NEDD4L: variants seen among roughly 807,000 people sequenced by gnomAD.
NEDD4L encodes NEDD4 like E3 ubiquitin protein ligase.
Under a neutral mutation model 148.9 loss-of-function variants are expected in NEDD4L, and 54 were observed. That is an observed-to-expected ratio of 0.36 (90% confidence interval 0.29 to 0.45). The LOEUF (loss-of-function observed/expected upper bound fraction) is 0.45. NEDD4L is among the 20% of genes least tolerant of loss of function. The pLI, the probability that NEDD4L is intolerant of heterozygous loss-of-function variation, is 1.00. For synonymous variants in NEDD4L, 433 were observed against 440.7 expected (o/e 0.98, Z 0.22); for missense variants, 856 against 1,233.8 (o/e 0.69, Z 4.59).
chr18:58,329,157 C>G, intron 10 of NEDD4L, 30 bp downstream of exon 10: 12 of 1,605,508 alleles, frequency 7.5e-6, no homozygotes, highest in Non-Finnish European at 1.0e-5. Context: ...GTGCAAAGCC[C>G]GGCAGCTCCT....
At chr18:58,161,020 C>CT (rs150307263) in intron 1 of NEDD4L, among the ~76,000 whole-genome samples, 8,237 of 149,646 alleles carry the variant, frequency 0.055, 344 homozygotes, top group East Asian at 0.22. Flanking sequence ...TTCTTTCTTT[C>CT]TTTTTTTTTT....
intron 1 of NEDD4L, among the ~76,000 whole-genome samples, chr18:58,071,436 G>A (rs986073177): frequency 1.3e-5 from 2 of 152,336 alleles, no homozygotes; most frequent in South Asian, 4.1e-4. Context: ...AGAATTCACT[G>A]GAGGGGCTTA....
chr18:58,217,694 T>G (rs774232796), intron 2 of NEDD4L, among the ~76,000 whole-genome samples: 1 of 152,188 alleles, frequency 6.6e-6, no homozygotes, highest in Admixed American at 6.5e-5. Flanking sequence ...GATTTAGATA[T>G]TGGAAAAGAT....
At chr18:58,257,271 T>C (rs2048718548) in intron 5 of NEDD4L, among the ~76,000 whole-genome samples, 1 of 152,068 alleles carries the variant, frequency 6.6e-6, no homozygotes, top group Admixed American at 6.5e-5. Context: ...TAAAGTTTAG[T>C]GGAATTTGAT....
chr18:58,075,968 C>T (rs917483206), intron 1 of NEDD4L, among the ~76,000 whole-genome samples: 1 of 152,152 alleles, frequency 6.6e-6, no homozygotes, highest in South Asian at 2.1e-4. Flanking sequence ...ACTGATTTTC[C>T]CCCGGTTTAG....
intron 1 of NEDD4L, among the ~76,000 whole-genome samples, chr18:58,109,951 A>G (rs1194002225): frequency 6.6e-6 from 1 of 152,178 alleles, no homozygotes; most frequent in Non-Finnish European, 1.5e-5. Flanking sequence ...TTGGAGGCTG[A>G]TTTGGAAAGG....
intron 5 of NEDD4L, among the ~76,000 whole-genome samples, chr18:58,258,575 G>A (rs2048911398): frequency 6.6e-6 from 1 of 152,100 alleles, no homozygotes; most frequent in Non-Finnish European, 1.5e-5. Flanking sequence ...AACTTGCAAG[G>A]CCTATGTAGT....
intron 1 of NEDD4L, among the ~76,000 whole-genome samples, chr18:58,083,095 G>A (rs988177509): frequency 6.6e-6 from 1 of 152,084 alleles, no homozygotes; most frequent in South Asian, 2.1e-4. Flanking sequence ...TTTGTTAACC[G>A]GTGGCTTAAT....
At chr18:58,356,266 C>T in intron 18 of NEDD4L, among the ~76,000 whole-genome samples, 1 of 151,092 alleles carries the variant, frequency 6.6e-6, no homozygotes, top group East Asian at 1.9e-4. Context: ...CCACCCTTTA[C>T]TTTTCAAATA....
chr18:58,226,667 G>T (rs1010442745), intron 2 of NEDD4L, among the ~76,000 whole-genome samples: 1 of 152,218 alleles, frequency 6.6e-6, no homozygotes, highest in African/African-American at 2.4e-5. Flanking sequence ...ACCTACTGTG[G>T]TCTTAAGTCT....
intron 1 of NEDD4L, among the ~76,000 whole-genome samples, chr18:58,125,678 T>G (rs2030950232): frequency 6.6e-6 from 1 of 152,202 alleles, no homozygotes; most frequent in South Asian, 2.1e-4. Context: ...GCCAGCCACC[T>G]ATGTACGGTA....
At chr18:58,335,044 T>C (rs2041539676) in intron 12 of NEDD4L, among the ~76,000 whole-genome samples, 1 of 152,210 alleles carries the variant, frequency 6.6e-6, no homozygotes, top group Non-Finnish European at 1.5e-5. Flanking sequence ...GTCAATTTTA[T>C]TTCCCAAAGA....
intron 1 of NEDD4L, among the ~76,000 whole-genome samples, chr18:58,140,725 T>C (rs1403278911): frequency 6.6e-6 from 1 of 152,270 alleles, no homozygotes; most frequent in East Asian, 1.9e-4. Flanking sequence ...TCTGGTGTCA[T>C]CTGTCCTGTT....
chr18:58,054,220 C>G (rs1180384957), intron 1 of NEDD4L, among the ~76,000 whole-genome samples: 1 of 152,188 alleles, frequency 6.6e-6, no homozygotes, highest in Non-Finnish European at 1.5e-5. Flanking sequence ...GTGTTTGTGT[C>G]CCACAGCGTG....
chr18:58,326,331 G>A (rs2059310855), intron 9 of NEDD4L, among the ~76,000 whole-genome samples: 1 of 152,202 alleles, frequency 6.6e-6, no homozygotes, highest in South Asian at 2.1e-4. Flanking sequence ...ACGGGCATTA[G>A]CTCAGGACAG....
intron 24 of NEDD4L, among the ~76,000 whole-genome samples, chr18:58,374,496 G>A (rs2047289510): frequency 6.7e-6 from 1 of 150,020 alleles, no homozygotes; most frequent in African/African-American, 2.5e-5. Flanking sequence ...ACTGTGTTGT[G>A]CTTTATGCCT....
At chr18:58,164,865 A>G (rs146669874) in intron 1 of NEDD4L, among the ~76,000 whole-genome samples, 25 of 152,376 alleles carry the variant, frequency 1.6e-4, no homozygotes, top group Non-Finnish European at 1.9e-4. Context: ...TCTCTAAGTC[A>G]GACCAGACGT....
At chr18:58,369,069 G>C (rs1303087512) in intron 22 of NEDD4L, among the ~76,000 whole-genome samples, 1 of 152,210 alleles carries the variant, frequency 6.6e-6, no homozygotes, top group Non-Finnish European at 1.5e-5. Context: ...AAAGAGATGA[G>C]AACAAAACCA....
intron 2 of NEDD4L, among the ~76,000 whole-genome samples, chr18:58,214,968 T>A (rs955996080): frequency 2.6e-5 from 4 of 151,838 alleles, no homozygotes; most frequent in African/African-American, 9.7e-5. Context: ...TGCACCACCA[T>A]GCCTGGCTAA....
Sources: allele counts gnomAD v4.1 joint callset (sites outside exome capture counted in the v4.1 genomes callset), GRCh38; gene constraint gnomAD v4.1.1; transcripts MANE v1.5; gene names NCBI Gene and HGNC (gene_info 2026-07-23, HGNC 2026-07-21).